The following MIPOL1 variants were observed in gnomAD, a reference collection of about 807,000 sequenced individuals.
The protein encoded by MIPOL1 is mirror-image polydactyly gene 1 protein.
Under a neutral mutation model 60.9 loss-of-function variants are expected in MIPOL1, and 57 were observed. The observed-to-expected ratio is 0.94, with a 90% CI of 0.76 to 1.17. The LOEUF is 1.17. Among genes scored for constraint, MIPOL1 ranks in the 50% most tolerant of loss-of-function variants. The pLI is 0.00. For missense variants in MIPOL1, 551 were observed against 511.6 expected, an observed-to-expected ratio of 1.08 and a Z score of -0.74; for synonymous variants, 179 against 168.8, an observed-to-expected ratio of 1.06 and a Z score of -0.47.
chr14:37,393,058 C>G (rs551381684), intron 10 of MIPOL1, among the ~76,000 whole-genome samples: 3 of 151,902 alleles, frequency 2.0e-5, no homozygotes, highest in Non-Finnish European at 4.4e-5. Flanking sequence ...GACACAGATA[C>G]AAAAGACACA....
At chr14:37,474,092 C>T (rs1441586431) in intron 11 of MIPOL1, among the ~76,000 whole-genome samples, 3 of 152,132 alleles carry the variant, frequency 2.0e-5, no homozygotes, top group Non-Finnish European at 4.4e-5. Flanking sequence ...ATGTTCATGG[C>T]TCGATAGTTC....
chr14:37,200,846 ATCTATGTGTG>A (rs1316770660), intron 1 of MIPOL1, among the ~76,000 whole-genome samples: 51 of 121,078 alleles, frequency 4.2e-4, no homozygotes, highest in African/African-American at 1.6e-3. Context: ...TACTATATCT[ATCTATGTGTG>A]TGTGTGTGTG....
chr14:37,377,349 A>G (rs2092804679), intron 10 of MIPOL1, among the ~76,000 whole-genome samples: 1 of 152,104 alleles, frequency 6.6e-6, no homozygotes, highest in Non-Finnish European at 1.5e-5. Context: ...TGAAGTAAAC[A>G]TCACTCCTTC....
chr14:37,302,164 A>G (rs1215439981), intron 7 of MIPOL1, among the ~76,000 whole-genome samples: 1 of 149,774 alleles, frequency 6.7e-6, no homozygotes, highest in East Asian at 2.0e-4. Flanking sequence ...TAATTTTATA[A>G]GAAACTGCCA....
chr14:37,259,855 C>T (rs549299946), intron 3 of MIPOL1, among the ~76,000 whole-genome samples: 1 of 152,184 alleles, frequency 6.6e-6, no homozygotes, highest in East Asian at 1.9e-4. Context: ...TTGGATAGTG[C>T]TGATCTATAT....
chr14:37,426,073 G>C (rs2093954941), intron 11 of MIPOL1, among the ~76,000 whole-genome samples: 1 of 152,082 alleles, frequency 6.6e-6, no homozygotes, highest in Non-Finnish European at 1.5e-5. Flanking sequence ...GCAAATACTT[G>C]AGTATATTTA....
intron 7 of MIPOL1, among the ~76,000 whole-genome samples, chr14:37,286,748 T>C (rs1241036013): frequency 6.6e-6 from 1 of 152,168 alleles, no homozygotes; most frequent in Non-Finnish European, 1.5e-5. Flanking sequence ...AGGCTCATTA[T>C]ACAGCATTAA....
chr14:37,326,676 C>G (rs1228300337), intron 9 of MIPOL1, among the ~76,000 whole-genome samples: 1 of 152,066 alleles, frequency 6.6e-6, no homozygotes, highest in Non-Finnish European at 1.5e-5. Flanking sequence ...GTTGCCGAGC[C>G]CTTGCAGAAC....
At chr14:37,285,478 T>C (rs2084476072) in intron 7 of MIPOL1, 31 bp downstream of exon 7, 1 of 1,601,264 alleles carries the variant, frequency 6.2e-7, no homozygotes. Flanking sequence ...CAGTATGATA[T>C]TAGGAACACT....
At chr14:37,211,942 A>G (rs1211843959) in intron 1 of MIPOL1, among the ~76,000 whole-genome samples, 1 of 152,136 alleles carries the variant, frequency 6.6e-6, no homozygotes, top group Admixed American at 6.5e-5. Context: ...TAGCTCCCAG[A>G]TGACATTTGT....
chr14:37,257,295 G>C (rs1187366725), intron 3 of MIPOL1, among the ~76,000 whole-genome samples: 1 of 151,962 alleles, frequency 6.6e-6, no homozygotes, highest in Admixed American at 6.6e-5. Context: ...ATGAGGTGCT[G>C]CTGATATGTA....
chr14:37,233,338 TC>T (rs1255918407), intron 1 of MIPOL1, among the ~76,000 whole-genome samples: 2 of 152,190 alleles, frequency 1.3e-5, no homozygotes, highest in Non-Finnish European at 2.9e-5. Flanking sequence ...TCATATTTTT[TC>T]AGAAACCTTT....
intron 9 of MIPOL1, among the ~76,000 whole-genome samples, chr14:37,318,199 G>A (rs2088135849): frequency 1.3e-5 from 2 of 152,280 alleles, no homozygotes; most frequent in African/African-American, 4.8e-5. Context: ...CACTTTAGCA[G>A]AGGAAATAAT....
intron 10 of MIPOL1, among the ~76,000 whole-genome samples, chr14:37,386,264 ATT>A (rs1448453616): frequency 4.0e-5 from 6 of 151,820 alleles, no homozygotes; most frequent in Non-Finnish European, 7.4e-5. Context: ...TTCCTTTCTG[ATT>A]TGTTTCAGTA....
intron 10 of MIPOL1, among the ~76,000 whole-genome samples, chr14:37,402,542 C>G (rs2093504757): frequency 6.6e-6 from 1 of 152,060 alleles, no homozygotes; most frequent in South Asian, 2.1e-4. Flanking sequence ...ATTAAGCCAT[C>G]CAGTGAAATT....
Position 37,349,845 on chromosome 14 carries a change from C to G in MIPOL1, c.829-19672C>G, listed in dbSNP as rs2091221861. On this transcript the variant is annotated intron_variant, in intron 9 of 12. Coordinates refer to ENST00000684589, the MANE Select transcript of MIPOL1 (RefSeq NM_001388067.1). ...GCTTCTTAGATGCTGTATCCGCAGCCATATACAGCTGCCTGGAACAGTCAT... is the reference window on the plus strand; with the variant it reads ...GCTTCTTAGATGCTGTATCCGCAGCGATATACAGCTGCCTGGAACAGTCAT... 1.3e-5 allele frequency among the ~76,000 whole-genome samples: 2 copies of G among 152,102 alleles called. 1 individual carries two copies. The highest frequency in any genetic ancestry group is 4.8e-5 in the African/African-American group (2 of 41,410).
chr14:37,314,225 G>A (rs985537750), intron 9 of MIPOL1, among the ~76,000 whole-genome samples: 2 of 151,860 alleles, frequency 1.3e-5, no homozygotes, highest in Non-Finnish European at 2.9e-5. Flanking sequence ...ATCAAATATT[G>A]TAATGAAAAG....
At chr14:37,258,867 G>A (rs1374925108) in intron 3 of MIPOL1, among the ~76,000 whole-genome samples, 5 of 151,654 alleles carry the variant, frequency 3.3e-5, no homozygotes, top group South Asian at 2.1e-4. Context: ...AAAAAAATTT[G>A]TGGCATCACC....
rs139202255 is a variant in MIPOL1, at chr14:37,546,741, C to T, written c.1263-164C>T. Among the ~76,000 whole-genome samples the T allele has an allele frequency of 1.9e-3, 291 of 152,250 alleles. 1 individual carries two copies. Among genetic ancestry groups the T allele is most frequent in the Admixed American group, 4.3e-3 (66 of 15,288 alleles). On this transcript the variant is annotated intron_variant, in intron 12 of 12. Coordinates refer to ENST00000684589, the MANE Select transcript of MIPOL1 (RefSeq NM_001388067.1). Reference sequence around the variant, plus strand: ...TTGCTGGGTTTTTTAACCTCAAATACTTGGCACTCTGTAGCAGTGTCTCTC... The same window carrying T: ...TTGCTGGGTTTTTTAACCTCAAATATTTGGCACTCTGTAGCAGTGTCTCTC...
Sources: allele counts gnomAD v4.1 joint callset (sites outside exome capture counted in the v4.1 genomes callset), GRCh38; gene constraint gnomAD v4.1.1; transcripts MANE v1.5; gene names NCBI Gene and HGNC (gene_info 2026-07-23, HGNC 2026-07-21).